Variants in RSRP1 observed in about 807,000 individuals in gnomAD.
The protein encoded by RSRP1 is arginine and serine rich protein 1.
RSRP1 carries 37 observed loss-of-function variants against 33.0 expected under a neutral mutation model. That is an observed-to-expected ratio of 1.12 (90% confidence interval 0.86 to 1.48). The LOEUF (loss-of-function observed/expected upper bound fraction) is 1.48. Ranked by LOEUF, RSRP1 falls within the 40% of genes most tolerant of loss-of-function variation. RSRP1 has a pLI of 0.00. For missense variants in RSRP1, 402 were observed against 385.3 expected, an observed-to-expected ratio of 1.04 and a Z score of -0.36; for synonymous variants, 167 against 158.7, an observed-to-expected ratio of 1.05 and a Z score of -0.40.
chr1:25,249,920 A>G (rs1450631820), upstream of RSRP1, among the ~76,000 whole-genome samples: 2 of 152,180 alleles, frequency 1.3e-5, no homozygotes, highest in Non-Finnish European at 1.5e-5. Context: ...CTTCCCATCT[A>G]AGAATGTGAC....
At position 25,306,682 on chromosome 1, in the gene RSRP1, C is replaced by G. The variant is rs561412056; in HGVS notation, c.-67+31296G>C. 2 of 1,378,570 alleles carry G rather than the reference C, an allele frequency of 1.5e-6. 1 individual carries two copies. The allele number at this position is 1,378,570 out of a possible 1,614,324, so 85.4% of individuals were successfully genotyped here. On this transcript the variant is annotated intron_variant, in intron 1 of 1. Transcript: ENST00000561867. ...TGCTGGGTCTGCTTGGAGAGATCAT[C>G]TACATTGTGCTGCTGGTGCTTGATA...
Position 25,301,122 on chromosome 1 carries a change from C to T in RSRP1, c.-67+36856G>A, listed in dbSNP as rs199501184. 10 of 1,370,744 alleles carry T rather than the reference C, an allele frequency of 7.3e-6. No homozygotes were observed. In the East Asian group the frequency reaches 2.2e-4, roughly 31 times the overall value. The allele number at this position is 1,370,744 out of a possible 1,614,324, so 84.9% of individuals were successfully genotyped here. A position where few individuals can be genotyped will look rare whatever the true frequency, so the allele number is the denominator to read the frequency against. Reference sequence around the variant, plus strand: ...AGGACAAGGTGGGGTGAGTGGTCTCCTACTTGGGCTGAGCAGAATGGCTCA... The same window carrying T: ...AGGACAAGGTGGGGTGAGTGGTCTCTTACTTGGGCTGAGCAGAATGGCTCA... On this transcript the variant is annotated intron_variant, in intron 1 of 1. Transcript: ENST00000561867.
rs547182192 is a variant in RSRP1 at position 25,278,120 on chromosome 1, T to C, written c.-66-31091A>G. On this transcript the variant is annotated intron_variant, in intron 1 of 1. Coordinates refer to the RSRP1 transcript ENST00000561867. ...GACTACTGGTCTGGATGACCTGTGA[T>C]GAGACCAGATGGGCAGGGGCAGTGG... 6.9e-5 allele frequency among the ~76,000 whole-genome samples: 9 copies of C among 130,260 alleles called. 1 individual carries two copies. The East Asian group carries it at 1.8e-3, about 25-fold the overall frequency. The allele number at this position is 130,260 out of a possible 152,430, so 85.5% of individuals were successfully genotyped here. A position where few individuals can be genotyped will look rare whatever the true frequency, so the allele number is the denominator to read the frequency against.
intron 1 of RSRP1, among the ~76,000 whole-genome samples, chr1:25,315,743 G>C (rs369913758): frequency 1.5e-5 from 2 of 129,848 alleles, no homozygotes; most frequent in East Asian, 3.9e-4. Flanking sequence ...TGATCTGCCC[G>C]CCTCGGCCTC....
At chr1:25,285,860 AG>A (rs1299210975) in intron 1 of RSRP1, among the ~76,000 whole-genome samples, 1 of 134,728 alleles carries the variant, frequency 7.4e-6, no homozygotes, top group Non-Finnish European at 1.8e-5. Context: ...GGACCTCTCA[AG>A]GCCATTCCAG....
chr1:25,267,918 G>A (rs1196137429), intron 1 of RSRP1: 1 of 132,872 alleles, frequency 7.5e-6, no homozygotes, highest in African/African-American at 2.6e-5. Context: ...GCGCAGACGC[G>A]TTGTTGTGGT....
intron 1 of RSRP1, chr1:25,267,801 G>A (rs1475975713): frequency 7.6e-6 from 1 of 131,296 alleles, no homozygotes; most frequent in Non-Finnish European, 1.8e-5. Flanking sequence ...AGCACACAGA[G>A]CAACTTCTCA....
intron 1 of RSRP1, among the ~76,000 whole-genome samples, chr1:25,310,626 A>C (rs1380841221): frequency 7.6e-6 from 1 of 131,778 alleles, no homozygotes; most frequent in African/African-American, 2.6e-5. Context: ...GGTGATGGGA[A>C]TAGGTTGGAA....
rs543193621 is a variant in RSRP1 at position 25,323,317 on chromosome 1, C to G, written c.-67+14661G>C. Among the ~76,000 whole-genome samples, 845 of 99,052 alleles carry G rather than the reference C, an allele frequency of 8.5e-3. 89 individuals carry two copies. The highest frequency in any genetic ancestry group is 0.026 in the African/African-American group (775 of 29,830). 65.0% of individuals were successfully genotyped at this position (99,052 alleles called of 152,430 possible). A position where few individuals can be genotyped will look rare whatever the true frequency, so the allele number is the denominator to read the frequency against. On this transcript the variant is annotated intron_variant, in intron 1 of 1. Coordinates refer to the RSRP1 transcript ENST00000561867. ...TTAACGTATTTATACACTGAAGAGA[C>G]CATCACCACCATCAAGACAAGGAGC...
At chr1:25,250,995 C>T (rs1312344981), upstream of RSRP1, among the ~76,000 whole-genome samples, 1 of 150,506 alleles carries the variant, frequency 6.6e-6, no homozygotes, top group East Asian at 2.0e-4. Context: ...GGCAACACAG[C>T]GAGACTCCAA....
At position 25,334,524 on chromosome 1, in the gene RSRP1, T is replaced by C. The variant is rs1482522286; in HGVS notation, c.-67+3454A>G. ...GGTCTGGAGGACCTCTTCTCACAGC[T>C]CCACTAGGTGGTGCCCCAGTAGGGA... On this transcript the variant is annotated intron_variant, in intron 1 of 1. Transcript: ENST00000561867. 1.5e-5 allele frequency among the ~76,000 whole-genome samples: 2 copies of C among 132,190 alleles called. 1 individual carries two copies. The highest frequency in any genetic ancestry group is 5.2e-5 in the African/African-American group (2 of 38,428). 86.7% of individuals were successfully genotyped at this position (132,190 alleles called of 152,430 possible). A position where few individuals can be genotyped will look rare whatever the true frequency, so the allele number is the denominator to read the frequency against.
chr1:25,308,534 C>G (rs1308431186), intron 1 of RSRP1, among the ~76,000 whole-genome samples: 1 of 131,938 alleles, frequency 7.6e-6, no homozygotes, highest in Admixed American at 7.4e-5. Flanking sequence ...GAAAATAAAG[C>G]CTTGATTGGT....
At chr1:25,299,951 T>C (rs1643258495) in intron 1 of RSRP1, among the ~76,000 whole-genome samples, 1 of 130,762 alleles carries the variant, frequency 7.6e-6, no homozygotes, top group South Asian at 2.3e-4. Context: ...GGTTTTGCCA[T>C]GTTGGCCAGG....
chr1:25,262,659 T>C (rs1427330000), intron 1 of RSRP1, among the ~76,000 whole-genome samples: 4 of 152,130 alleles, frequency 2.6e-5, no homozygotes, highest in African/African-American at 9.7e-5. Context: ...GCTGATGATA[T>C]AATTCTTAGC....
chr1:25,334,306 T>A lies in RSRP1; in HGVS notation c.-67+3672A>T. ...GTCAAATCTTAAAGCTCCAAAATGA[T>A]CTCCTCTTGACTCCACATCTCACAT... On this transcript the variant is annotated intron_variant, in intron 1 of 1. Transcript: ENST00000561867. 1.5e-5 allele frequency among the ~76,000 whole-genome samples: 2 copies of A among 131,608 alleles called. 1 individual carries two copies. Among genetic ancestry groups the A allele is most frequent in the Non-Finnish European group, 3.6e-5 (2 of 55,640 alleles). The allele number at this position is 131,608 out of a possible 152,430, so 86.3% of individuals were successfully genotyped here. A position where few individuals can be genotyped will look rare whatever the true frequency, so the allele number is the denominator to read the frequency against.
rs548969686 is a variant in RSRP1, at chr1:25,277,472, G to T, written c.-66-30443C>A. Among the ~76,000 whole-genome samples the T allele has an allele frequency of 3.9e-4, 52 of 133,556 alleles. 14 individuals carry two copies. Among genetic ancestry groups the T allele is most frequent in the Non-Finnish European group, 6.4e-4 (36 of 56,242 alleles). The allele number at this position is 133,556 out of a possible 152,430, so 87.6% of individuals were successfully genotyped here. A position where few individuals can be genotyped will look rare whatever the true frequency, so the allele number is the denominator to read the frequency against. On this transcript the variant is annotated intron_variant, in intron 1 of 1. Coordinates refer to the RSRP1 transcript ENST00000561867. ...GTCTGTGTTTTCACAAGCCCTCTTG[G>T]TGATTCTTCTGTGCATGAAAGTTCG...
chr1:25,261,099 C>T (rs1278209324), intron 1 of RSRP1, among the ~76,000 whole-genome samples: 1 of 151,904 alleles, frequency 6.6e-6, no homozygotes, highest in Non-Finnish European at 1.5e-5. Flanking sequence ...CGCACCCGGC[C>T]TCTTTCTCTT....
Position 25,271,100 on chromosome 1 carries a change from T to C in RSRP1, c.-66-24071A>G, listed in dbSNP as rs1249696817. 4.5e-5 allele frequency among the ~76,000 whole-genome samples: 6 copies of C among 132,382 alleles called. 2 individuals carry two copies. Among genetic ancestry groups the C allele is most frequent in the Admixed American group, 7.4e-5 (1 of 13,584 alleles). 86.8% of individuals were successfully genotyped at this position (132,382 alleles called of 152,430 possible). Reference sequence around the variant, plus strand: ...ACCATCATATTGGTAGCAAGTTTCATGTCCTGTAGTTTTCTTAACCAACCC... The same window carrying C: ...ACCATCATATTGGTAGCAAGTTTCACGTCCTGTAGTTTTCTTAACCAACCC... On this transcript the variant is annotated intron_variant, in intron 1 of 1. Coordinates refer to the RSRP1 transcript ENST00000561867.
intron 1 of RSRP1, among the ~76,000 whole-genome samples, chr1:25,316,564 C>T (rs1473057614): frequency 3.1e-5 from 3 of 96,376 alleles, no homozygotes; most frequent in Non-Finnish European, 7.7e-5. Flanking sequence ...GTGAGCCGAC[C>T]ACTGCACTCC....
Sources: gnomAD v4.1 joint callset for allele counts (sites outside exome capture counted in the v4.1 genomes callset) on GRCh38, gnomAD v4.1.1 for gene constraint, MANE v1.5 for transcripts, NCBI Gene and HGNC (gene_info 2026-07-23, HGNC 2026-07-21) for gene names.